Variants in GNG7 observed in about 807,000 individuals in gnomAD.
GNG7 encodes G protein subunit gamma 7.
Under a neutral mutation model 4.0 loss-of-function variants are expected in GNG7, and 1 was observed. That is an observed-to-expected ratio of 0.25 (90% CI 0.09 to 1.18). The LOEUF is 1.18. Among genes scored for constraint, GNG7 ranks in the 50% most tolerant of loss-of-function variants. GNG7 has a pLI of 0.50. For missense variants in GNG7, 86 were observed against 91.9 expected, an observed-to-expected ratio of 0.94 and a Z score of 0.26; for synonymous variants, 34 against 36.9, an observed-to-expected ratio of 0.92 and a Z score of 0.29.
chr19:2,531,303 C>CAAAAAAAAAA (rs58133235), intron 3 of GNG7, among the ~76,000 whole-genome samples: 1 of 95,074 alleles, frequency 1.1e-5, no homozygotes, highest in African/African-American at 4.5e-5. Flanking sequence ...GATTCCGTCT[C>CAAAAAAAAAA]AAAAAAAAAA....
intron 3 of GNG7, among the ~76,000 whole-genome samples, chr19:2,534,348 G>A (rs976358161): frequency 2.6e-5 from 4 of 152,160 alleles, no homozygotes; most frequent in Admixed American, 6.6e-5. Flanking sequence ...GCTAGAGTGC[G>A]CTTCTGAAAA....
intron 2 of GNG7, among the ~76,000 whole-genome samples, chr19:2,582,490 T>TA (rs200575816): frequency 1.8e-5 from 2 of 109,590 alleles, no homozygotes; most frequent in Non-Finnish European, 4.5e-5. Context: ...TAAATGACAA[T>TA]TTTTTTTTTT....
At chr19:2,632,068 G>C (rs4337410) in intron 2 of GNG7, 9,145 of 152,276 alleles carry the variant, frequency 0.06, 915 homozygotes, top group African/African-American at 0.21. Flanking sequence ...CCCTGGTGCT[G>C]CCCTCTCCCC....
At chr19:2,536,418 CAA>C (rs112605115) in intron 3 of GNG7, among the ~76,000 whole-genome samples, 1 of 131,926 alleles carries the variant, frequency 7.6e-6, no homozygotes. Flanking sequence ...AACTCCATCT[CAA>C]AAAAAAAAAG....
chr19:2,565,885 C>T (rs1034358139), intron 2 of GNG7, among the ~76,000 whole-genome samples: 3 of 152,222 alleles, frequency 2.0e-5, no homozygotes, highest in East Asian at 1.9e-4. Context: ...AGGCCGGGCA[C>T]GGTGGCTCAC....
chr19:2,698,266 C>CAA (rs143122682), intron 1 of GNG7, among the ~76,000 whole-genome samples: 8 of 138,006 alleles, frequency 5.8e-5, no homozygotes, highest in African/African-American at 1.6e-4. Flanking sequence ...GACCATGTCT[C>CAA]AAAAAAAAAA....
chr19:2,542,536 C>T (rs746676084), intron 3 of GNG7, among the ~76,000 whole-genome samples: 29 of 152,220 alleles, frequency 1.9e-4, no homozygotes, highest in Non-Finnish European at 3.5e-4. Context: ...GAGCTGGGGA[C>T]GACAACTGGA....
At chr19:2,678,415 G>A (rs527604909) in intron 1 of GNG7, among the ~76,000 whole-genome samples, 3 of 152,276 alleles carry the variant, frequency 2.0e-5, no homozygotes, top group Non-Finnish European at 2.9e-5. Flanking sequence ...GCTGGGCTTG[G>A]GCACGGAGTC....
Position 2,572,026 on chromosome 19 carries a change from TTTTG to T in GNG7, c.-77-16842_-77-16839del, listed in dbSNP as rs1980164523. ...TTTGTGTTTTTGTTGTTTTGTTTTG[TTTTG>T]TTTTTCTTTGAGATGGGGTCTCACT... On this transcript the variant is annotated intron_variant, in intron 2 of 4. Transcript: ENST00000382159. 3.3e-5 allele frequency among the ~76,000 whole-genome samples: 5 copies of T among 152,188 alleles called. No individual in the cohort carries two copies. The South Asian group carries it at 1.0e-3, about 32-fold the overall frequency.
At chr19:2,586,039 T>C (rs1035244984) in intron 2 of GNG7, among the ~76,000 whole-genome samples, 2 of 152,188 alleles carry the variant, frequency 1.3e-5, no homozygotes, top group African/African-American at 2.4e-5. Context: ...TTTCTTTAAA[T>C]CTTTGTGAGT....
At chr19:2,570,426 T>C (rs185184277) in intron 2 of GNG7, among the ~76,000 whole-genome samples, 16 of 152,312 alleles carry the variant, frequency 1.1e-4, no homozygotes, top group African/African-American at 3.8e-4. Flanking sequence ...AGAGCTTGAC[T>C]GGGCCTCAGG....
intron 2 of GNG7, among the ~76,000 whole-genome samples, chr19:2,605,736 T>A (rs537619113): frequency 0.013 from 1,980 of 151,628 alleles, 38 homozygotes; most frequent in African/African-American, 0.041. Context: ...ATGGTCTCGA[T>A]CTCCTGACCT....
chr19:2,572,230 G>T (rs1318240836), intron 2 of GNG7, among the ~76,000 whole-genome samples: 2 of 152,032 alleles, frequency 1.3e-5, no homozygotes, highest in African/African-American at 2.4e-5. Context: ...TGTTGCCCAG[G>T]CTGGTCTTTA....
chr19:2,639,267 C>T (rs374428157), intron 2 of GNG7, among the ~76,000 whole-genome samples: 2 of 152,060 alleles, frequency 1.3e-5, no homozygotes, highest in South Asian at 4.1e-4. Context: ...CAAAACCCAC[C>T]GTAAGCAAAG....
At chr19:2,530,199 G>C (rs1457069245) in intron 3 of GNG7, among the ~76,000 whole-genome samples, 1 of 149,578 alleles carries the variant, frequency 6.7e-6, no homozygotes, top group African/African-American at 2.5e-5. Context: ...GATCACTTGA[G>C]GTCGGGAGTT....
At position 2,609,284 on chromosome 19, in the gene GNG7, T is replaced by C. The variant is rs150887719; in HGVS notation, c.-78+36940A>G. On this transcript the variant is annotated intron_variant, in intron 2 of 4. Coordinates refer to ENST00000382159, the MANE Select transcript of GNG7 (RefSeq NM_052847.3). The surrounding 1 kb of genome is among the most constrained non-coding windows in gnomAD (Gnocchi z 4.4). ...TCATGATCCTCCCACCTCAGTGTCC[T>C]GTGGAGCTGGGACTACAGGCACGTA... Among the ~76,000 whole-genome samples, 203 of 152,274 alleles carry C rather than the reference T, an allele frequency of 1.3e-3. 3 individuals carry two copies. Among genetic ancestry groups the C allele is most frequent in the Middle Eastern group, 6.8e-3 (2 of 294 alleles).
At chr19:2,519,268 A>G (rs1159766280) in intron 4 of GNG7, among the ~76,000 whole-genome samples, 2 of 145,606 alleles carry the variant, frequency 1.4e-5, no homozygotes, top group Non-Finnish European at 3.0e-5. Context: ...CTCCTGCCTC[A>G]GCCTCCCAAA....
chr19:2,655,873 T>TATAA (rs1398098319), intron 1 of GNG7, among the ~76,000 whole-genome samples: 22 of 96,402 alleles, frequency 2.3e-4, no homozygotes, highest in African/African-American at 8.6e-4. Context: ...CATATATATA[T>TATAA]AAATTAGCCA....
chr19:2,647,905 G>A (rs1409289553), intron 1 of GNG7, among the ~76,000 whole-genome samples: 4 of 151,584 alleles, frequency 2.6e-5, no homozygotes, highest in East Asian at 1.9e-4. Context: ...GTGGGCGCCC[G>A]TAATCCCAGC....
Sources: allele counts gnomAD v4.1 joint callset (sites outside exome capture counted in the v4.1 genomes callset), GRCh38; gene constraint gnomAD v4.1.1; non-coding constraint Gnocchi (gnomAD v3.1); transcripts MANE v1.5; gene names NCBI Gene and HGNC (gene_info 2026-07-23, HGNC 2026-07-21).